Variants in PTPRD observed in about 807,000 individuals in gnomAD.
PTPRD encodes receptor-type tyrosine-protein phosphatase delta.
PTPRD carries 34 observed loss-of-function variants against 214.5 expected under a neutral mutation model. The ratio of observed to expected loss-of-function variants is 0.16; its 90% CI spans 0.12 to 0.21. The LOEUF (loss-of-function observed/expected upper bound fraction) is 0.21. Ranked by LOEUF, PTPRD falls within the 10% of genes least tolerant of loss-of-function variation. PTPRD has a pLI of 1.00. For synonymous variants in PTPRD, 1,128 were observed against 845.7 expected, an observed-to-expected ratio of 1.33 and a Z score of -5.79; for missense variants, 2,545 against 2,398.7, an observed-to-expected ratio of 1.06 and a Z score of -1.27.
intron 11 of PTPRD, among the ~76,000 whole-genome samples, chr9:8,893,368 T>A (rs1223215810): frequency 6.6e-6 from 1 of 150,542 alleles, no homozygotes; most frequent in Non-Finnish European, 1.5e-5. Context: ...GAAGGGAGAG[T>A]AGAGAAGGGA....
At chr9:9,828,434 A>G (rs1379697201) in intron 5 of PTPRD, among the ~76,000 whole-genome samples, 11 of 152,128 alleles carry the variant, frequency 7.2e-5, no homozygotes, top group Admixed American at 5.9e-4. Flanking sequence ...TCTCACTCAT[A>G]GGTGGGAATT....
chr9:10,516,374 T>C (rs1335180252), intron 2 of PTPRD, among the ~76,000 whole-genome samples: 1 of 151,982 alleles, frequency 6.6e-6, no homozygotes, highest in Non-Finnish European at 1.5e-5. Flanking sequence ...ATGTCTTCTT[T>C]GGAGAAATCT....
intron 11 of PTPRD, among the ~76,000 whole-genome samples, chr9:8,972,582 A>G (rs2099245057): frequency 6.6e-6 from 1 of 151,934 alleles, no homozygotes; most frequent in Non-Finnish European, 1.5e-5. Flanking sequence ...AATGGAAGTG[A>G]ATATTTATTG....
At chr9:10,180,975 T>C (rs992289587) in intron 3 of PTPRD, among the ~76,000 whole-genome samples, 2 of 152,040 alleles carry the variant, frequency 1.3e-5, no homozygotes, top group Admixed American at 6.6e-5. Flanking sequence ...GAATAAACTT[T>C]AGAATTTATT....
chr9:10,420,952 G>A (rs1434082703), intron 2 of PTPRD, among the ~76,000 whole-genome samples: 3 of 151,686 alleles, frequency 2.0e-5, no homozygotes, highest in African/African-American at 7.3e-5. Context: ...GGAGGCCAAT[G>A]TGCATTTATC....
intron 9 of PTPRD, among the ~76,000 whole-genome samples, chr9:9,356,329 A>G (rs2053773669): frequency 6.6e-6 from 1 of 151,418 alleles, no homozygotes; most frequent in Non-Finnish European, 1.5e-5. Context: ...TGCTAGAATG[A>G]GGTCTTTGGC....
chr9:9,077,490 G>C (rs1461497824), intron 10 of PTPRD, among the ~76,000 whole-genome samples: 1 of 151,972 alleles, frequency 6.6e-6, no homozygotes, highest in African/African-American at 2.4e-5. Context: ...ATAAGATGTG[G>C]TTGGTTCATC....
chr9:9,782,297 TA>T (rs1785816352), intron 5 of PTPRD, among the ~76,000 whole-genome samples: 1 of 152,164 alleles, frequency 6.6e-6, no homozygotes, highest in Admixed American at 6.5e-5. Context: ...AGTCCTAATT[TA>T]AATTATAATT....
At chr9:10,398,782 A>C (rs1347185922) in intron 2 of PTPRD, among the ~76,000 whole-genome samples, 1 of 151,974 alleles carries the variant, frequency 6.6e-6, no homozygotes, top group African/African-American at 2.4e-5. Context: ...ACCTTTTCAA[A>C]GTGCTATCAT....
At chr9:9,186,397 TTTGTATATG>T (rs1192041625) in intron 9 of PTPRD, among the ~76,000 whole-genome samples, 1 of 152,042 alleles carries the variant, frequency 6.6e-6, no homozygotes, top group Admixed American at 6.6e-5. Context: ...GTTTCTAGTA[TTTGTATATG>T]TTCATGAAGC....
intron 10 of PTPRD, among the ~76,000 whole-genome samples, chr9:9,025,175 T>C (rs1435377966): frequency 6.6e-6 from 1 of 152,054 alleles, no homozygotes; most frequent in Non-Finnish European, 1.5e-5. Flanking sequence ...TTTATGACTT[T>C]ATTTTTCCTT....
At chr9:9,556,892 A>T (rs1318385960) in intron 8 of PTPRD, among the ~76,000 whole-genome samples, 2 of 152,192 alleles carry the variant, frequency 1.3e-5, no homozygotes, top group Non-Finnish European at 2.9e-5. Context: ...CCTGTATTCT[A>T]ATCTCAGACA....
chr9:9,109,159 T>C (rs1242773971), intron 10 of PTPRD, among the ~76,000 whole-genome samples: 1 of 152,198 alleles, frequency 6.6e-6, no homozygotes, highest in East Asian at 1.9e-4. Flanking sequence ...GATTGTATCC[T>C]GCTATGGATT....
At chr9:9,883,809 T>C (rs1448333591) in intron 5 of PTPRD, among the ~76,000 whole-genome samples, 1 of 152,126 alleles carries the variant, frequency 6.6e-6, no homozygotes, top group Non-Finnish European at 1.5e-5. Flanking sequence ...GGGCAAACTT[T>C]TCAATACCCA....
chr9:9,037,170 CAGGCTAAA>C (rs1428530475), intron 10 of PTPRD, among the ~76,000 whole-genome samples: 4 of 152,080 alleles, frequency 2.6e-5, no homozygotes, highest in Admixed American at 2.0e-4. Context: ...ATGTGTATCT[CAGGCTAAA>C]ACAAATCCAG....
intron 8 of PTPRD, among the ~76,000 whole-genome samples, chr9:9,523,034 G>C (rs2097026641): frequency 6.6e-6 from 1 of 152,040 alleles, no homozygotes; most frequent in Admixed American, 6.6e-5. Context: ...TTTAAAAAGT[G>C]ACCTAACTTA....
At chr9:8,812,990 T>C (rs1192650006) in intron 11 of PTPRD, among the ~76,000 whole-genome samples, 2 of 152,122 alleles carry the variant, frequency 1.3e-5, no homozygotes, top group African/African-American at 4.8e-5. Flanking sequence ...ACAAAGCTTT[T>C]GCTTCCGCTC....
At chr9:9,020,756 G>C (rs1345380700) in intron 10 of PTPRD, among the ~76,000 whole-genome samples, 1 of 152,146 alleles carries the variant, frequency 6.6e-6, no homozygotes, top group Non-Finnish European at 1.5e-5. Flanking sequence ...CTGATTTTGA[G>C]AATTGCCAGC....
At chr9:8,850,660 G>T (rs1601846286) in intron 11 of PTPRD, among the ~76,000 whole-genome samples, 1 of 152,052 alleles carries the variant, frequency 6.6e-6, no homozygotes, top group Non-Finnish European at 1.5e-5. Flanking sequence ...AATCTTGATA[G>T]ATCTTTTTAA....
Sources: gnomAD v4.1 joint callset for allele counts (sites outside exome capture counted in the v4.1 genomes callset) on GRCh38, gnomAD v4.1.1 for gene constraint, MANE v1.5 for transcripts, NCBI Gene and HGNC (gene_info 2026-07-23, HGNC 2026-07-21) for gene names.